The following GDAP2 variants were observed in gnomAD, a reference collection of about 807,000 sequenced individuals.
GDAP2 encodes ganglioside-induced differentiation-associated protein 2.
A neutral mutation model predicts 67.0 loss-of-function variants in GDAP2; 51 were observed. That is an observed-to-expected ratio of 0.76 (90% CI 0.61 to 0.96). The LOEUF is 0.96. Ranked by LOEUF, GDAP2 falls within the 40% of genes least tolerant of loss-of-function variation. GDAP2 has a pLI of 0.00. For missense variants in GDAP2, 547 were observed against 588.3 expected (o/e 0.93, Z 0.73); for synonymous variants, 203 against 207.3 (o/e 0.98, Z 0.18).
At position 117,906,607 on chromosome 1, in the gene GDAP2, C is replaced by T. The variant is rs1397542702; in HGVS notation, c.560-25G>A. 4 of 1,219,964 alleles carry T rather than the reference C, an allele frequency of 3.3e-6. No homozygotes were observed. The South Asian group carries it at 5.2e-5, about 16-fold the overall frequency. 75.6% of individuals were successfully genotyped at this position (1,219,964 alleles called of 1,614,324 possible). ...CCTAAGGAAAAGAATAGAAAGATTA[C>T]TCAATAAATAAAAAATTACTTATAC... On this transcript the variant is annotated intron_variant, in intron 5 of 13. Coordinates refer to ENST00000369443, the MANE Select transcript of GDAP2 (RefSeq NM_017686.4).
At chr1:117,889,029 TC>T (rs1462216234) in intron 8 of GDAP2, among the ~76,000 whole-genome samples, 5 of 152,182 alleles carry the variant, frequency 3.3e-5, no homozygotes, top group African/African-American at 1.2e-4. Context: ...GATTTACCAA[TC>T]TATGCAAATT....
At chr1:117,899,699 A>G (rs971545875) in intron 6 of GDAP2, among the ~76,000 whole-genome samples, 9 of 152,174 alleles carry the variant, frequency 5.9e-5, no homozygotes, top group African/African-American at 1.9e-4. Flanking sequence ...AAAAAAACCA[A>G]ACAGAATAAA....
rs1341670915 is a variant in GDAP2 at position 117,868,906 on chromosome 1, T to C, written c.*1663A>G. ...ACACAAAGAAAATGTGTTCAATACA[T>C]GCAAAAGATAAGAACCTTTATCTAA... On this transcript the variant is annotated 3_prime_UTR_variant, in exon 14 of 14. Transcript: ENST00000369443. 6.6e-6 allele frequency: 1 copy of C among 152,172 alleles called. No homozygotes were observed. The highest frequency in any genetic ancestry group is 1.9e-4 in the East Asian group (1 of 5,194). 9.4% of individuals were successfully genotyped at this position (152,172 alleles called of 1,614,324 possible).
At chr1:117,900,659 G>T (rs1419798367) in intron 6 of GDAP2, among the ~76,000 whole-genome samples, 1 of 151,740 alleles carries the variant, frequency 6.6e-6, no homozygotes, top group Non-Finnish European at 1.5e-5. Context: ...CCAGCTACTC[G>T]GGAGGCTGAG....
intron 7 of GDAP2, among the ~76,000 whole-genome samples, chr1:117,898,197 T>C (rs1167933695): frequency 1.3e-5 from 2 of 152,218 alleles, no homozygotes; most frequent in African/African-American, 4.8e-5. Context: ...AAAAATTCTA[T>C]GGTAGTCACA....
At chr1:117,923,189 A>G (rs1310083349) in intron 1 of GDAP2, among the ~76,000 whole-genome samples, 3 of 152,208 alleles carry the variant, frequency 2.0e-5, no homozygotes, top group African/African-American at 7.2e-5. Context: ...TTGTTTAAAC[A>G]CACATGCTCT....
chr1:117,871,985 A>T (rs976039653), intron 13 of GDAP2, among the ~76,000 whole-genome samples: 5 of 152,170 alleles, frequency 3.3e-5, no homozygotes, highest in African/African-American at 1.2e-4. Context: ...GAACTTAAGC[A>T]AATTTACAAG....
chr1:117,878,444 T>G (rs1390786444), intron 12 of GDAP2, among the ~76,000 whole-genome samples: 3 of 152,200 alleles, frequency 2.0e-5, no homozygotes, highest in African/African-American at 7.2e-5. Flanking sequence ...AGTGTGTTAG[T>G]GCTGTACTAC....
At chr1:117,901,867 T>G (rs1181221267) in intron 6 of GDAP2, among the ~76,000 whole-genome samples, 3 of 152,202 alleles carry the variant, frequency 2.0e-5, no homozygotes, top group African/African-American at 7.2e-5. Flanking sequence ...TTACACACCA[T>G]GCAAATATTT....
Position 117,869,592 on chromosome 1 carries a change from A to G in GDAP2, c.*977T>C, listed in dbSNP as rs1368865044. The G allele has an allele frequency of 6.6e-6, 1 of 152,660 alleles. No individual in the cohort carries two copies. The highest frequency in any genetic ancestry group is 1.5e-5 in the Non-Finnish European group (1 of 68,052). The allele number at this position is 152,660 out of a possible 1,614,324, so 9.5% of individuals were successfully genotyped here. On this transcript the variant is annotated 3_prime_UTR_variant, in exon 14 of 14. Transcript: ENST00000369443. ...TTACTCATAACCAAGCTAAGGCACA[A>G]ATAGAGCCTGAGTGGTAAAAGTGGT...
intron 7 of GDAP2, among the ~76,000 whole-genome samples, 174 bp from the exon 8 acceptor site, chr1:117,897,163 G>T (rs995466162): frequency 3.9e-5 from 6 of 152,216 alleles, no homozygotes; most frequent in Admixed American, 3.9e-4. Flanking sequence ...AATAATGAAA[G>T]AAACTGCCTG....
At chr1:117,907,549 A>G (rs1432785985) in intron 5 of GDAP2, among the ~76,000 whole-genome samples, 1 of 152,228 alleles carries the variant, frequency 6.6e-6, no homozygotes, top group Non-Finnish European at 1.5e-5. Context: ...TTTTGGTTAC[A>G]TATCAACATC....
At chr1:117,925,941 T>G (rs113138699) in intron 1 of GDAP2, among the ~76,000 whole-genome samples, 1 of 152,328 alleles carries the variant, frequency 6.6e-6, no homozygotes, top group African/African-American at 2.4e-5. Context: ...TTTAATTTAA[T>G]CAATTTCCTT....
At chr1:117,904,907 TTGTC>T (rs1649607039) in intron 6 of GDAP2, among the ~76,000 whole-genome samples, 3 of 152,330 alleles carry the variant, frequency 2.0e-5, no homozygotes, top group East Asian at 3.9e-4. Flanking sequence ...AGAAAATAAT[TTGTC>T]TTCATCCCAT....
At chr1:117,920,149 TCTC>T (rs777045125) in intron 2 of GDAP2, 30 bp downstream of exon 2, 21 of 1,231,716 alleles carry the variant, frequency 1.7e-5, no homozygotes, top group Non-Finnish European at 2.5e-5. Flanking sequence ...GAAAGTGTTA[TCTC>T]CTCATGATAT....
intron 1 of GDAP2, among the ~76,000 whole-genome samples, chr1:117,923,528 T>C (rs1650332267): frequency 6.6e-6 from 1 of 152,228 alleles, no homozygotes; most frequent in Non-Finnish European, 1.5e-5. Flanking sequence ...AACTGATTAA[T>C]GGGTTTGGTA....
rs1648001688 is a variant in GDAP2, at chr1:117,864,699, AATATAAATTAAGCAAAAACT to A, written c.*5850_*5869del. Reference sequence around the variant, plus strand: ...TATATATTTAGATAACATTATAATAAATATAAATTAAGCAAAAACTGAGGAGCTAAGAGATTTTTTTCCTT... The same window carrying A: ...TATATATTTAGATAACATTATAATAAGAGGAGCTAAGAGATTTTTTTCCTT... On this transcript the variant is annotated 3_prime_UTR_variant, in exon 14 of 14. Transcript: ENST00000369443. 1 of 152,170 alleles carries A rather than the reference AATATAAATTAAGCAAAAACT, an allele frequency of 6.6e-6. No homozygotes were observed. The highest frequency in any genetic ancestry group is 1.5e-5 in the Non-Finnish European group (1 of 68,016). The allele number at this position is 152,170 out of a possible 1,614,324, so 9.4% of individuals were successfully genotyped here.
At chr1:117,913,581 G>A (rs983959357) in intron 3 of GDAP2, 1 of 152,078 alleles carries the variant, frequency 6.6e-6, no homozygotes, top group South Asian at 2.1e-4. Context: ...TTTCAAAACA[G>A]ACATCTAGGC....
Position 117,868,497 on chromosome 1 carries a change from C to G in GDAP2, c.*2072G>C, listed in dbSNP as rs1023980414. 1 of 152,122 alleles carries G rather than the reference C, an allele frequency of 6.6e-6. No homozygotes were observed. The highest frequency in any genetic ancestry group is 2.4e-5 in the African/African-American group (1 of 41,410). 9.4% of individuals were successfully genotyped at this position (152,122 alleles called of 1,614,324 possible). The stretch of plus-strand genomic sequence containing the variant: ...AAGGAACATCCTTTCAAAATCATTG[C>G]CTGTAAGAAATTGTATATATAAATT... On this transcript the variant is annotated 3_prime_UTR_variant, in exon 14 of 14. Coordinates refer to ENST00000369443, the MANE Select transcript of GDAP2 (RefSeq NM_017686.4).
Sources: gnomAD v4.1 joint callset for allele counts (sites outside exome capture counted in the v4.1 genomes callset) on GRCh38, gnomAD v4.1.1 for gene constraint, MANE v1.5 for transcripts, NCBI Gene and HGNC (gene_info 2026-07-23, HGNC 2026-07-21) for gene names.